Variants in ABHD15 observed in about 807,000 individuals in gnomAD.
ABHD15 encodes protein ABHD15.
ABHD15 carries 34 observed loss-of-function variants against 34.4 expected under a neutral mutation model. That is an observed-to-expected ratio of 0.99 (90% CI 0.75 to 1.32). The LOEUF (loss-of-function observed/expected upper bound fraction) is 1.32, where lower values mean the gene tolerates loss of function less well. Among genes scored for constraint, ABHD15 ranks in the 40% most tolerant of loss-of-function variants. The pLI is 0.00. For synonymous variants in ABHD15, 314 were observed against 299.2 expected, an observed-to-expected ratio of 1.05 and a Z score of -0.51; for missense variants, 644 against 650.4, an observed-to-expected ratio of 0.99 and a Z score of 0.11.
Position 29,566,266 on chromosome 17 carries a change from ACCGC to A in ABHD15, c.697_700del (p.Ala233Ter). The A allele has an allele frequency of 6.2e-7, 1 of 1,610,984 alleles. No individual in the cohort carries two copies. Among genetic ancestry groups the A allele is most frequent in the Non-Finnish European group, 8.5e-7 (1 of 1,179,030 alleles). On this transcript the variant is annotated frameshift_variant, in exon 1 of 2. Transcript: ENST00000307201. LOFTEE classifies it high-confidence loss of function. ...CAGCGCCGAGCCCGAGCCTTCGCTC[ACCGC>A]GAACAGCGGCGCCGCCGGGTGTCGG...
chr17:29,566,688 C>T lies in ABHD15; in HGVS notation c.279G>A (p.Leu93=). The part of the protein sequence containing the change: ...LLRALRRSEA[L]EAGPRSWFSG... The stretch of plus-strand genomic sequence containing the variant: ...AGAACCAGGAGCGCGGGCCGGCCTC[C>T]AGCGCCTCTGAGCGCCGCAGGGCGC... Residue 93 remains leucine, a synonymous_variant, in exon 1 of 2, where the codon CTG becomes CTA. Transcript: ENST00000307201. The T allele has an allele frequency of 5.0e-6, 8 of 1,591,620 alleles. No homozygotes were observed. Among genetic ancestry groups the T allele is most frequent in the Non-Finnish European group, 6.0e-6 (7 of 1,174,502 alleles).
chr17:29,562,525 T>G lies in ABHD15; in HGVS notation c.*36A>C. 3.8e-6 allele frequency: 6 copies of G among 1,576,646 alleles called. No homozygotes were observed. The highest frequency in any genetic ancestry group is 5.2e-6 in the Non-Finnish European group (6 of 1,160,658). On this transcript the variant is annotated 3_prime_UTR_variant, in exon 2 of 2. Coordinates refer to ENST00000307201, the MANE Select transcript of ABHD15 (RefSeq NM_198147.3). ...ACTCCCCCTTGCCCAGCTCTGTTTT[T>G]CTTTGCAGGACTTGGGGGTTCTCAG...
chr17:29,566,783 C>T lies in ABHD15; in HGVS notation c.184G>A (p.Gly62Arg), dbSNP rs1567758192. 2.0e-6 allele frequency: 3 copies of T among 1,511,290 alleles called. No individual in the cohort carries two copies. Among genetic ancestry groups the T allele is most frequent in the Non-Finnish European group, 2.6e-6 (3 of 1,137,290 alleles). 93.6% of individuals were successfully genotyped at this position (1,511,290 alleles called of 1,614,324 possible). The change falls in exon 1 of 2, where the codon GGG becomes AGG. Residue 62 changes from glycine (G) to arginine (R), a missense_variant. Physicochemically the swap from Gly to Arg is moderately radical, Grantham distance 125. Coordinates refer to ENST00000307201, the MANE Select transcript of ABHD15 (RefSeq NM_198147.3). ...GGGPADQFSDGREPLPGGCSL... is the reference protein window; with the variant it reads ...GGGPADQFSDRREPLPGGCSL... ...CACCCTCCCGGCAGTGGCTCGCGCC[C>T]GTCGCTGAACTGGTCCGCCGGGCCT...
In ABHD15 at chr17:29,566,205, G is replaced by T; in HGVS notation, c.762C>A (p.Ser254Arg). 1 of 1,610,418 alleles carries T rather than the reference G, an allele frequency of 6.2e-7. No homozygotes were observed. Among genetic ancestry groups the T allele is most frequent in the Non-Finnish European group, 8.5e-7 (1 of 1,178,508 alleles). Residue 254 changes from serine (S) to arginine (R), a missense_variant, in exon 1 of 2, where the codon AGC becomes AGA. Ser to Arg is a moderately radical substitution (Grantham distance 110, BLOSUM62 -1). Coordinates refer to ENST00000307201, the MANE Select transcript of ABHD15 (RefSeq NM_198147.3). The stretch of plus-strand genomic sequence containing the variant: ...AGATGCAGGCGGCGCCTGTCACGTA[G>T]CTGGAGGAGCCGCACTCGCCCAGGT... ...LSYLGECGSS[S>R]YVTGAACISP... is the part of the protein sequence containing the mutation.
At position 29,562,402 on chromosome 17, in the gene ABHD15, C is replaced by G; in HGVS notation, c.*159G>C. On this transcript the variant is annotated 3_prime_UTR_variant, in exon 2 of 2. Transcript: ENST00000307201. Reference sequence around the variant, plus strand: ...ATGAAGTGAGTGCAGGCTCGCAGGACGTTCCTTCTCTTTCAAGGCACCAAT... The same window carrying G: ...ATGAAGTGAGTGCAGGCTCGCAGGAGGTTCCTTCTCTTTCAAGGCACCAAT... The G allele has an allele frequency of 1.3e-6, 1 of 793,754 alleles. No homozygotes were observed. Among genetic ancestry groups the G allele is most frequent in the African/African-American group, 1.7e-5 (1 of 58,162 alleles). The allele number at this position is 793,754 out of a possible 1,614,324, so 49.2% of individuals were successfully genotyped here.
chr17:29,566,101 T>C lies in ABHD15; in HGVS notation c.866A>G (p.Lys289Arg). 6.5e-7 allele frequency: 1 copy of C among 1,542,440 alleles called. No individual in the cohort carries two copies. Among genetic ancestry groups the C allele is most frequent in the Non-Finnish European group, 8.7e-7 (1 of 1,143,262 alleles). Residue 289 changes from lysine (K) to arginine (R), a missense_variant, in exon 1 of 2, where the codon AAG becomes AGG. Physicochemically the swap from Lys to Arg is conservative, Grantham distance 26. Coordinates refer to ENST00000307201, the MANE Select transcript of ABHD15 (RefSeq NM_198147.3). The part of the protein sequence containing the change: ...PYERGFLLHQ[K>R]IALSRYATAL... The stretch of plus-strand genomic sequence containing the variant: ...CGTTACCCACCTGCTGAGGGCGATC[T>C]TCTGGTGGAGCAGAAAGCCCCGCTC...
Position 29,562,554 on chromosome 17 carries a change from A to C in ABHD15, c.*7T>G, listed in dbSNP as rs1430410976. The stretch of plus-strand genomic sequence containing the variant: ...TGCAGGACTTGGGGGTTCTCAGGCC[A>C]GGTCTTTCACCTTGTGTATGATCGC... On this transcript the variant is annotated 3_prime_UTR_variant, in exon 2 of 2. Transcript: ENST00000307201. 2 of 1,608,142 alleles carry C rather than the reference A, an allele frequency of 1.2e-6. No homozygotes were observed. The highest frequency in any genetic ancestry group is 2.7e-5 in the African/African-American group (2 of 74,716).
At position 29,561,567 on chromosome 17, in the gene ABHD15, GT is replaced by G. The variant is rs2032628575; in HGVS notation, c.*993del. On this transcript the variant is annotated 3_prime_UTR_variant, in exon 2 of 2. Transcript: ENST00000307201. ...CTCTAGTCAACCTCTTGGTGCTTTTGTTTCCTCTGGTCCCAGATGTGTCTCC... is the reference window on the plus strand; with the variant it reads ...CTCTAGTCAACCTCTTGGTGCTTTTGTTCCTCTGGTCCCAGATGTGTCTCC... 1 of 152,358 alleles carries G rather than the reference GT, an allele frequency of 6.6e-6. No homozygotes were observed. The highest frequency in any genetic ancestry group is 1.5e-5 in the Non-Finnish European group (1 of 68,044). The allele number at this position is 152,358 out of a possible 1,614,324, so 9.4% of individuals were successfully genotyped here. A position where few individuals can be genotyped will look rare whatever the true frequency, so the allele number is the denominator to read the frequency against.
Position 29,562,443 on chromosome 17 carries a change from T to C in ABHD15, c.*118A>G. 1.7e-6 allele frequency: 2 copies of C among 1,159,834 alleles called. No individual in the cohort carries two copies. The allele number at this position is 1,159,834 out of a possible 1,614,324, so 71.8% of individuals were successfully genotyped here. A position where few individuals can be genotyped will look rare whatever the true frequency, so the allele number is the denominator to read the frequency against. ...AGGCACCAATTTAAGAGAGAGGGAC[T>C]GAATGAGGAGCACAGAGCTGGAGCT... is the stretch of plus-strand genomic sequence containing the variant. On this transcript the variant is annotated 3_prime_UTR_variant, in exon 2 of 2. Transcript: ENST00000307201.
rs2032644370 is a variant in ABHD15 at position 29,562,737 on chromosome 17, A to G, written c.1231T>C (p.Ser411Pro). The G allele has an allele frequency of 6.2e-7, 1 of 1,613,970 alleles. No individual in the cohort carries two copies. Among genetic ancestry groups the G allele is most frequent in the Non-Finnish European group, 8.5e-7 (1 of 1,179,978 alleles). The change falls in exon 2 of 2, where the codon TCC becomes CCC. Residue 411 changes from serine to proline, a missense_variant. By Grantham distance (74) the Ser-to-Pro change is moderately conservative (BLOSUM62 -1). Coordinates refer to ENST00000307201, the MANE Select transcript of ABHD15 (RefSeq NM_198147.3). ...PAWSHEVILE[S>P]FRALTEFFRT... is the part of the protein sequence containing the mutation. ...AAGAACTCAGTCAAGGCCCGGAAGGACTCCAAGATGACCTCATGGCTCCAG... is the reference window on the plus strand; with the variant it reads ...AAGAACTCAGTCAAGGCCCGGAAGGGCTCCAAGATGACCTCATGGCTCCAG...
In ABHD15 at chr17:29,563,038, C is replaced by T; in HGVS notation, c.930G>A (p.Arg310=). Residue 310 remains arginine, a synonymous_variant, in exon 2 of 2, where the codon AGG becomes AGA. Coordinates refer to ENST00000307201, the MANE Select transcript of ABHD15 (RefSeq NM_198147.3). ...CCTCAAACTCTCGAAGGGAACGGCTCCTGAACAGTCTGCTGGTGTCCACAG... is the reference window on the plus strand; with the variant it reads ...CCTCAAACTCTCGAAGGGAACGGCTTCTGAACAGTCTGCTGGTGTCCACAG... ...EDTVDTSRLF[R]SRSLREFEEA... is the part of the protein sequence containing the mutation. 1 of 1,611,260 alleles carries T rather than the reference C, an allele frequency of 6.2e-7. No homozygotes were observed. Among genetic ancestry groups the T allele is most frequent in the Non-Finnish European group, 8.5e-7 (1 of 1,179,974 alleles).
In ABHD15 at chr17:29,562,467, C is replaced by G. The variant is rs1199920799; in HGVS notation, c.*94G>C. On this transcript the variant is annotated 3_prime_UTR_variant, in exon 2 of 2. Transcript: ENST00000307201. The stretch of plus-strand genomic sequence containing the variant: ...CTGAATGAGGAGCACAGAGCTGGAG[C>G]TCCCTCTGTTCAGTCCGCCCCATCT... The G allele has an allele frequency of 3.7e-6, 5 of 1,359,820 alleles. No individual in the cohort carries two copies. The East Asian group carries it at 1.2e-4, about 31-fold the overall frequency. The allele number at this position is 1,359,820 out of a possible 1,614,324, so 84.2% of individuals were successfully genotyped here.
chr17:29,562,781 C>A lies in ABHD15; in HGVS notation c.1187G>T (p.Arg396Leu), dbSNP rs761656909. ...SRHGGHCGFL[R>L]QEPLPAWSHE... ...GCTCCAGGCTGGCAAGGGCTCCTGGCGCAGGAAGCCACAGTGGCCTCCGTG... is the reference window on the plus strand; with the variant it reads ...GCTCCAGGCTGGCAAGGGCTCCTGGAGCAGGAAGCCACAGTGGCCTCCGTG... The change falls in exon 2 of 2, where the codon CGC becomes CTC. Residue 396 changes from arginine to leucine, a missense_variant. Physicochemically the swap from Arg to Leu is moderately radical, Grantham distance 102 (BLOSUM62 -2). Transcript: ENST00000307201. 2 of 1,613,522 alleles carry A rather than the reference C, an allele frequency of 1.2e-6. No individual in the cohort carries two copies. Among genetic ancestry groups the A allele is most frequent in the Admixed American group, 1.7e-5 (1 of 60,002 alleles).
intron 1 of ABHD15, among the ~76,000 whole-genome samples, chr17:29,564,011 C>A (rs566584898): frequency 6.6e-6 from 1 of 152,242 alleles, no homozygotes; most frequent in South Asian, 2.1e-4. Context: ...TCCTGTGTGA[C>A]GGTGCCCACT....
At chr17:29,564,492 C>T (rs2032673221) in intron 1 of ABHD15, among the ~76,000 whole-genome samples, 1 of 152,188 alleles carries the variant, frequency 6.6e-6, no homozygotes, top group African/African-American at 2.4e-5. Flanking sequence ...GGCATCCTGA[C>T]AAGGAGGCCA....
Position 29,562,878 on chromosome 17 carries a change from C to A in ABHD15, c.1090G>T (p.Gly364Ter). The change falls in exon 2 of 2, where the codon GGA (glycine) becomes TGA (stop). Residue 364 changes from glycine to a stop codon, truncating the protein, a stop_gained. Transcript: ENST00000307201. LOFTEE classifies it high-confidence loss of function. ...GTTGTCAGAGTGTGGTCTGGGGGTC[C>A]ACACACGGGGTCGTCAGCACTGCAG... Reference protein sequence around the residue: ...CICSADDPVCGPPDHTLTTEL... With the variant: ...CICSADDPVC The A allele has an allele frequency of 1.2e-6, 2 of 1,614,122 alleles. No homozygotes were observed. Among genetic ancestry groups the A allele is most frequent in the Non-Finnish European group, 1.7e-6 (2 of 1,180,020 alleles).
Position 29,566,862 on chromosome 17 carries a change from C to T in ABHD15, c.105G>A (p.Glu35=), listed in dbSNP as rs1253125183. 4 of 1,507,668 alleles carry T rather than the reference C, an allele frequency of 2.7e-6. No individual in the cohort carries two copies. In the South Asian group the frequency reaches 3.7e-5, roughly 14 times the overall value. The allele number at this position is 1,507,668 out of a possible 1,614,324, so 93.4% of individuals were successfully genotyped here. The part of the protein sequence containing the change: ...LRGPWGRAVG[E]RTLPGAQDRD... ...GGTCTTGGGCCCCCGGCAGGGTCCTCTCTCCGACGGCGCGCCCCCAGGGTC... is the reference window on the plus strand; with the variant it reads ...GGTCTTGGGCCCCCGGCAGGGTCCTTTCTCCGACGGCGCGCCCCCAGGGTC... Residue 35 remains glutamate, a synonymous_variant, in exon 1 of 2, where the codon GAG becomes GAA. Coordinates refer to ENST00000307201, the MANE Select transcript of ABHD15 (RefSeq NM_198147.3).
chr17:29,566,052 C>A, intron 1 of ABHD15, 34 bp downstream of exon 1: 2 of 1,505,994 alleles, frequency 1.3e-6, no homozygotes, highest in Non-Finnish European at 1.8e-6. Context: ...GCCCTCTATT[C>A]TTTCCATGCT....
chr17:29,562,448 G>A lies in ABHD15; in HGVS notation c.*113C>T, dbSNP rs1249366197. On this transcript the variant is annotated 3_prime_UTR_variant, in exon 2 of 2. Transcript: ENST00000307201. ...CCAATTTAAGAGAGAGGGACTGAAT[G>A]AGGAGCACAGAGCTGGAGCTCCCTC... 1 of 1,187,670 alleles carries A rather than the reference G, an allele frequency of 8.4e-7. No homozygotes were observed. Among genetic ancestry groups the A allele is most frequent in the Non-Finnish European group, 1.2e-6 (1 of 848,774 alleles). The allele number at this position is 1,187,670 out of a possible 1,614,324, so 73.6% of individuals were successfully genotyped here.
Sources: allele counts gnomAD v4.1 joint callset (sites outside exome capture counted in the v4.1 genomes callset), GRCh38; gene constraint gnomAD v4.1.1; transcripts MANE v1.5; gene names NCBI Gene and HGNC (gene_info 2026-07-23, HGNC 2026-07-21).